MARCO: variants seen among roughly 807,000 people sequenced by gnomAD.
MARCO encodes macrophage receptor MARCO.
A neutral mutation model predicts 70.0 loss-of-function variants in MARCO; 72 were observed. The ratio of observed to expected loss-of-function variants is 1.03; its 90% CI spans 0.85 to 1.25. The LOEUF (loss-of-function observed/expected upper bound fraction) is 1.25. Ranked by LOEUF, MARCO falls within the 50% of genes most tolerant of loss-of-function variation. MARCO has a pLI of 0.00. For synonymous variants in MARCO, 273 were observed against 243.1 expected (o/e 1.12, Z -1.14); for missense variants, 696 against 659.3 (o/e 1.06, Z -0.61).
intron 12 of MARCO, among the ~76,000 whole-genome samples, chr2:118,982,785 G>T (rs1483079425): frequency 6.6e-6 from 1 of 152,172 alleles, no homozygotes; most frequent in African/African-American, 2.4e-5. Flanking sequence ...GATTCAGGCT[G>T]GAGGGTCCAG....
chr2:118,948,924 A>G (rs1462450206), intron 1 of MARCO, among the ~76,000 whole-genome samples: 1 of 152,242 alleles, frequency 6.6e-6, no homozygotes, highest in African/African-American at 2.4e-5. Context: ...ATGGTCCTCC[A>G]TAATACCACC....
chr2:118,953,719 A>G (rs2104553940), intron 1 of MARCO, among the ~76,000 whole-genome samples: 1 of 152,340 alleles, frequency 6.6e-6, no homozygotes, highest in South Asian at 2.1e-4. Flanking sequence ...AGGACCCAGT[A>G]GACACCCCAA....
At chr2:118,976,579 C>A (rs1384244858) in intron 6 of MARCO, among the ~76,000 whole-genome samples, 1 of 152,176 alleles carries the variant, frequency 6.6e-6, no homozygotes, top group Non-Finnish European at 1.5e-5. Flanking sequence ...ACTCCATATG[C>A]TAGCCTTGGA....
intron 8 of MARCO, among the ~76,000 whole-genome samples, chr2:118,980,665 C>T (rs913283740): frequency 2.0e-5 from 3 of 152,178 alleles, no homozygotes; most frequent in Non-Finnish European, 4.4e-5. Context: ...TCTACCCACC[C>T]CCAGGGGAGT....
At chr2:118,962,579 C>A (rs1679969587) in intron 1 of MARCO, among the ~76,000 whole-genome samples, 1 of 151,932 alleles carries the variant, frequency 6.6e-6, no homozygotes. Flanking sequence ...TTCTTTCTTT[C>A]TTTTTACTGG....
At position 118,982,144 on chromosome 2, in the gene MARCO, C is replaced by G; in HGVS notation, c.902-12C>G. The G allele has an allele frequency of 1.9e-6, 3 of 1,598,630 alleles. No individual in the cohort carries two copies. Among genetic ancestry groups the G allele is most frequent in the Non-Finnish European group, 2.6e-6 (3 of 1,168,612 alleles). On this transcript the variant is annotated splice_polypyrimidine_tract_variant and intron_variant, in intron 10 of 16. Coordinates refer to ENST00000327097, the MANE Select transcript of MARCO (RefSeq NM_006770.4). The stretch of plus-strand genomic sequence containing the variant: ...AACCACCACAGCCTGGCAGTCACTA[C>G]TTTCCTTTCAGGACAACCTGGACTG...
intron 16 of MARCO, among the ~76,000 whole-genome samples, chr2:118,993,620 G>A (rs926199188): frequency 2.0e-5 from 3 of 152,202 alleles, no homozygotes; most frequent in Non-Finnish European, 4.4e-5. Flanking sequence ...GGACAGCTGA[G>A]TTGATGCAAC....
At chr2:118,983,378 A>G (rs746489689) in intron 12 of MARCO, among the ~76,000 whole-genome samples, 3 of 152,182 alleles carry the variant, frequency 2.0e-5, no homozygotes, top group Non-Finnish European at 4.4e-5. Flanking sequence ...TGATTCATTC[A>G]TCACCACCTC....
At chr2:118,949,894 C>T (rs1387209160) in intron 1 of MARCO, 1 of 152,176 alleles carries the variant, frequency 6.6e-6, no homozygotes, top group African/African-American at 2.4e-5. Context: ...GTACTGGAAA[C>T]TCCAAGGGCG....
At chr2:118,987,490 C>A (rs192773624) in intron 12 of MARCO, among the ~76,000 whole-genome samples, 2 of 152,318 alleles carry the variant, frequency 1.3e-5, no homozygotes, top group Admixed American at 1.3e-4. Flanking sequence ...CCATTAAATA[C>A]ATATCAGAAG....
chr2:118,982,724 G>T (rs1032202910), intron 12 of MARCO, among the ~76,000 whole-genome samples: 1 of 152,148 alleles, frequency 6.6e-6, no homozygotes, highest in Non-Finnish European at 1.5e-5. Flanking sequence ...CGTTTCTGCT[G>T]TCTCCTGCTA....
At chr2:118,992,378 A>G in intron 14 of MARCO, 54 bp from the exon 15 acceptor site, 5 of 1,511,212 alleles carry the variant, frequency 3.3e-6, no homozygotes, top group Non-Finnish European at 4.6e-6. Context: ...AATGCAGGCA[A>G]AGGCGTCCTG....
intron 1 of MARCO, among the ~76,000 whole-genome samples, chr2:118,962,896 T>C (rs1679976183): frequency 6.6e-6 from 1 of 152,044 alleles, no homozygotes; most frequent in African/African-American, 2.4e-5. Context: ...AAGTTAGTGA[T>C]AGTATTTTCT....
chr2:118,977,948 T>C lies in MARCO; in HGVS notation c.766+13T>C, dbSNP rs767107988. ...CTGGGTCTCCCAGGTGAGGGCCGTA[T>C]TGGGGGTGTCGGTGCTTGCCAGGAG... On this transcript the variant is annotated intron_variant, in intron 8 of 16. Coordinates refer to ENST00000327097, the MANE Select transcript of MARCO (RefSeq NM_006770.4). The C allele has an allele frequency of 1.3e-5, 21 of 1,571,890 alleles. No homozygotes were observed. The highest frequency in any genetic ancestry group is 6.8e-5 in the African/African-American group (5 of 73,980).
Position 118,994,586 on chromosome 2 carries a change from A to AAC in MARCO, c.*66_*67insAC. 6.7e-7 allele frequency: 1 copy of AAC among 1,481,484 alleles called. No homozygotes were observed. Among genetic ancestry groups the AAC allele is most frequent in the Non-Finnish European group, 9.0e-7 (1 of 1,109,380 alleles). 91.8% of individuals were successfully genotyped at this position (1,481,484 alleles called of 1,614,324 possible). A position where few individuals can be genotyped will look rare whatever the true frequency, so the allele number is the denominator to read the frequency against. ...GGGCTCATATGTGGGAAGGCAGAGG[A>AAC]TCTCTGAGGAGTTCCCTGGGGACAA... On this transcript the variant is annotated 3_prime_UTR_variant, in exon 17 of 17. Coordinates refer to ENST00000327097, the MANE Select transcript of MARCO (RefSeq NM_006770.4).
Position 118,965,109 on chromosome 2 carries a change from G to A in MARCO, c.98-4051G>A, listed in dbSNP as rs61082906. On this transcript the variant is annotated intron_variant, in intron 1 of 16. Coordinates refer to ENST00000327097, the MANE Select transcript of MARCO (RefSeq NM_006770.4). ...GGTTTAGATCTTCCACGAAATTAGGGAAATTTTTAGCCATTATTTCTTTGA... is the reference window on the plus strand; with the variant it reads ...GGTTTAGATCTTCCACGAAATTAGGAAAATTTTTAGCCATTATTTCTTTGA... Among the ~76,000 whole-genome samples the A allele has an allele frequency of 2.7e-3, 410 of 152,142 alleles. 1 individual carries two copies. The highest frequency in any genetic ancestry group is 9.6e-3 in the African/African-American group (398 of 41,522).
rs753350879 is a variant in MARCO at position 118,974,558 on chromosome 2, A to C, written c.606A>C (p.Gly202=). 22 of 1,612,726 alleles carry C rather than the reference A, an allele frequency of 1.4e-5. 1 individual carries two copies. The South Asian group carries it at 2.4e-4, about 18-fold the overall frequency. ...SGPQGPPGVK[G]EAGLQGPQGA... is the part of the protein sequence containing the mutation. ...CCCAAGGCCCACCGGGAGTCAAGGG[A>C]GAGGCGGGTGAGTAGGTGCTGGGTA... Residue 202 remains glycine (G), a synonymous_variant, in exon 6 of 17, where the codon GGA becomes GGC. Transcript: ENST00000327097.
At chr2:118,950,355 C>T (rs12619212) in intron 1 of MARCO, among the ~76,000 whole-genome samples, 17,393 of 152,156 alleles carry the variant, frequency 0.11, 1,532 homozygotes, top group East Asian at 0.48. Context: ...ATCCAGTTCA[C>T]AGAAAAACTG....
intron 1 of MARCO, among the ~76,000 whole-genome samples, chr2:118,961,937 G>A (rs1193768608): frequency 2.0e-5 from 3 of 152,120 alleles, no homozygotes; most frequent in Non-Finnish European, 4.4e-5. Context: ...TTCTGCATAT[G>A]GCTAGCCAGT....
Sources: gnomAD v4.1 joint callset for allele counts (sites outside exome capture counted in the v4.1 genomes callset) on GRCh38, gnomAD v4.1.1 for gene constraint, MANE v1.5 for transcripts, NCBI Gene and HGNC (gene_info 2026-07-23, HGNC 2026-07-21) for gene names.